Variants in ZNF845 observed in about 807,000 individuals in gnomAD.
The protein encoded by ZNF845 is zinc finger protein 845.
A neutral mutation model predicts 76.1 loss-of-function variants in ZNF845; 59 were observed. That is an observed-to-expected ratio of 0.78 (90% CI 0.63 to 0.96). ZNF845 has a LOEUF of 0.96. Among genes scored for constraint, ZNF845 ranks in the 40% least tolerant of loss-of-function variants. The probability of loss-of-function intolerance (pLI) is 0.00; values close to 1 mark genes in which losing one functional copy is unlikely to be tolerated. For synonymous variants in ZNF845, 361 were observed against 386.9 expected, an observed-to-expected ratio of 0.93 and a Z score of 0.78; for missense variants, 1,045 against 1,172.8, an observed-to-expected ratio of 0.89 and a Z score of 1.59.
In ZNF845 at chr19:53,352,005, T is replaced by A; in HGVS notation, c.1330T>A (p.Cys444Ser). The A allele has an allele frequency of 6.2e-7, 1 of 1,614,046 alleles. No individual in the cohort carries two copies. Among genetic ancestry groups the A allele is most frequent in the South Asian group, 1.1e-5 (1 of 91,066 alleles). Reference sequence around the variant, plus strand: ...AGAGAAACCTTACAAATGTGAAGAATGTGATGAAGCTTTCAGTTTCAAATC... The same window carrying A: ...AGAGAAACCTTACAAATGTGAAGAAAGTGATGAAGCTTTCAGTTTCAAATC... Reference protein sequence around the residue: ...TGEKPYKCEECDEAFSFKSNL... With the variant: ...TGEKPYKCEESDEAFSFKSNL... The change falls in exon 4 of 4, where the codon TGT (cysteine) becomes AGT (serine). Residue 444 changes from cysteine to serine, a missense_variant. Transcript: ENST00000458035.
chr19:53,353,140 A>G lies in ZNF845; in HGVS notation c.2465A>G (p.Lys822Arg). 6.2e-7 allele frequency: 1 copy of G among 1,611,624 alleles called. No homozygotes were observed. The highest frequency in any genetic ancestry group is 8.5e-7 in the Non-Finnish European group (1 of 1,178,268). Reference protein sequence around the residue: ...FRHNSALVIHKAIHSGEKPYK... With the variant: ...FRHNSALVIHRAIHSGEKPYK... ...CACAATTCAGCCCTTGTAATTCATA[A>G]GGCAATTCATAGTGGAGAGAAACCT... Residue 822 changes from lysine (K) to arginine (R), a missense_variant, in exon 4 of 4, where the codon AAG becomes AGG. By Grantham distance (26) the Lys-to-Arg change is conservative. Transcript: ENST00000458035.
rs768047689 is a variant in ZNF845 at position 53,351,038 on chromosome 19, T to C, written c.363T>C (p.Gly121=). 1 of 1,614,120 alleles carries C rather than the reference T, an allele frequency of 6.2e-7. No homozygotes were observed. ...APMTEIKQLT[G]STNRHDQRHA... is the part of the protein sequence containing the mutation. Reference sequence around the variant, plus strand: ...TGACAGAAATCAAACAGTTGACGGGTAGTACAAACCGACATGATCAAAGGC... The same window carrying C: ...TGACAGAAATCAAACAGTTGACGGGCAGTACAAACCGACATGATCAAAGGC... The change falls in exon 4 of 4, where the codon GGT becomes GGC. Residue 121 remains glycine (G), a synonymous_variant. Transcript: ENST00000458035.
At chr19:53,339,099 T>C (rs1272183585) in intron 1 of ZNF845, among the ~76,000 whole-genome samples, 8 of 151,922 alleles carry the variant, frequency 5.3e-5, no homozygotes. Context: ...ACTCCATCTC[T>C]AAATAAATAA....
chr19:53,353,323 G>A lies in ZNF845; in HGVS notation c.2648G>A (p.Gly883Glu). ...NLSRHHRLHT[G>E]EKPYKCNKCG... Reference sequence around the variant, plus strand: ...TCACGTCATCATAGACTTCATACTGGAGAGAAACCTTACAAGTGTAATAAA... The same window carrying A: ...TCACGTCATCATAGACTTCATACTGAAGAGAAACCTTACAAGTGTAATAAA... Residue 883 changes from glycine to glutamate, a missense_variant, in exon 4 of 4, where the codon GGA (glycine) becomes GAA (glutamate). Coordinates refer to ENST00000458035, the MANE Select transcript of ZNF845 (RefSeq NM_138374.3). 6.2e-7 allele frequency: 1 copy of A among 1,613,672 alleles called. No homozygotes were observed. Among genetic ancestry groups the A allele is most frequent in the Non-Finnish European group, 8.5e-7 (1 of 1,179,810 alleles).
At chr19:53,348,312 G>A (rs1459025637) in intron 3 of ZNF845, among the ~76,000 whole-genome samples, 2 of 152,142 alleles carry the variant, frequency 1.3e-5, no homozygotes, top group African/African-American at 2.4e-5. Context: ...GAGGCTTACG[G>A]CACAGATATT....
rs75721696 is a variant in ZNF845 at position 53,347,446 on chromosome 19, T to G, written c.142+1814T>G. Among the ~76,000 whole-genome samples, 29 of 151,374 alleles carry G rather than the reference T, an allele frequency of 1.9e-4. No homozygotes were observed. The East Asian group carries it at 3.9e-3, about 20-fold the overall frequency. ...CACATGCCACCACACCTGGCTGTTT[T>G]TTTTTTTTTTTTTCTGTAGAGATGG... On this transcript the variant is annotated intron_variant, in intron 3 of 3. Coordinates refer to ENST00000458035, the MANE Select transcript of ZNF845 (RefSeq NM_138374.3).
At chr19:53,340,797 G>A (rs959697994) in intron 1 of ZNF845, 7 of 339,876 alleles carry the variant, frequency 2.1e-5, no homozygotes, top group Admixed American at 9.4e-5. Flanking sequence ...TCTGTTTCCC[G>A]TGTCCTCCTC....
chr19:53,341,381 T>C, intron 2 of ZNF845, 59 bp downstream of exon 2: 1 of 1,609,452 alleles, frequency 6.2e-7, no homozygotes, highest in Admixed American at 1.7e-5. Context: ...TCCTGGGCCT[T>C]GGAGTTGGGA....
rs747915505 is a variant in ZNF845 at position 53,353,531 on chromosome 19, T to C, written c.2856T>C (p.Phe952=). The C allele has an allele frequency of 6.2e-7, 1 of 1,612,096 alleles. No individual in the cohort carries two copies. The highest frequency in any genetic ancestry group is 1.3e-5 in the African/African-American group (1 of 74,906). ...AGTGTAATGAATGTGGCAAGGTTTT[T>C]AATCGAAAAGCAAAACTTGCACGTC... ...PYKCNECGKV[F]NRKAKLARHH... Residue 952 remains phenylalanine (F), a synonymous_variant, in exon 4 of 4, where the codon TTT becomes TTC. Transcript: ENST00000458035.
In ZNF845 at chr19:53,353,447, C is replaced by T. The variant is rs758875671; in HGVS notation, c.2772C>T (p.Phe924=). Reference sequence around the variant, plus strand: ...AGTGTAATGAGTGTGGCAAAACCTTCCGTCACAATTCAGTCCTTGTAATTC... The same window carrying T: ...AGTGTAATGAGTGTGGCAAAACCTTTCGTCACAATTCAGTCCTTGTAATTC... ...PYKCNECGKT[F]RHNSVLVIHK... The change falls in exon 4 of 4, where the codon TTC becomes TTT. Residue 924 remains phenylalanine, a synonymous_variant. Transcript: ENST00000458035. 122 of 1,612,914 alleles carry T rather than the reference C, an allele frequency of 7.6e-5. No homozygotes were observed. Among genetic ancestry groups the T allele is most frequent in the Non-Finnish European group, 9.9e-5 (117 of 1,179,744 alleles).
At position 53,345,618 on chromosome 19, in the gene ZNF845, A is replaced by G; in HGVS notation, c.128A>G (p.Asn43Ser). ...GACGTGATGCTGGAGAATTATAGGA[A>G]CCTGGTCTCCCTGGGTGAGGATAAC... ...YRDVMLENYR[N>S]LVSLDISSKC... The change falls in exon 3 of 4, where the codon AAC (asparagine) becomes AGC (serine). Residue 43 changes from asparagine (N) to serine (S), a missense_variant. By Grantham distance (46) the Asn-to-Ser change is conservative. Coordinates refer to ENST00000458035, the MANE Select transcript of ZNF845 (RefSeq NM_138374.3). 6.2e-6 allele frequency: 10 copies of G among 1,613,774 alleles called. No homozygotes were observed. Among genetic ancestry groups the G allele is most frequent in the African/African-American group, 1.3e-5 (1 of 75,012 alleles).
At chr19:53,335,299 C>T (rs1288892307) in intron 1 of ZNF845, among the ~76,000 whole-genome samples, 7 of 152,224 alleles carry the variant, frequency 4.6e-5, no homozygotes, top group Admixed American at 2.0e-4. Context: ...CTGGCTCTGT[C>T]GCCCAGGCTG....
Position 53,351,310 on chromosome 19 carries a change from A to C in ZNF845, c.635A>C (p.Glu212Ala), listed in dbSNP as rs747348279. The change falls in exon 4 of 4, where the codon GAA (glutamate) becomes GCA (alanine). Residue 212 changes from glutamate (E) to alanine (A), a missense_variant. Physicochemically the swap from Glu to Ala is moderately radical, Grantham distance 107. Coordinates refer to ENST00000458035, the MANE Select transcript of ZNF845 (RefSeq NM_138374.3). The stretch of plus-strand genomic sequence containing the variant: ...CAAAAGCAGGAAGTACACATGAGAG[A>C]AAAATCTTTCCAATGTAATGAGAGT... ...LTQKQEVHMR[E>A]KSFQCNESGK... is the part of the protein sequence containing the mutation. The C allele has an allele frequency of 6.2e-7, 1 of 1,614,234 alleles. No homozygotes were observed. Among genetic ancestry groups the C allele is most frequent in the Non-Finnish European group, 8.5e-7 (1 of 1,180,034 alleles).
rs1218376674 is a variant in ZNF845, at chr19:53,353,799, T to G, written c.*211T>G. On this transcript the variant is annotated 3_prime_UTR_variant, in exon 4 of 4. Transcript: ENST00000458035. Reference sequence around the variant, plus strand: ...AAAGCCTTTAGTGGGCAGTCAACACTTATTCACCATCAGGCAATCCATGGT... The same window carrying G: ...AAAGCCTTTAGTGGGCAGTCAACACGTATTCACCATCAGGCAATCCATGGT... The G allele has an allele frequency of 4.0e-6, 6 of 1,504,832 alleles. No individual in the cohort carries two copies. Among genetic ancestry groups the G allele is most frequent in the Middle Eastern group, 1.8e-4 (1 of 5,590 alleles). The allele number at this position is 1,504,832 out of a possible 1,614,324, so 93.2% of individuals were successfully genotyped here. A position where few individuals can be genotyped will look rare whatever the true frequency, so the allele number is the denominator to read the frequency against.
intron 1 of ZNF845, among the ~76,000 whole-genome samples, chr19:53,339,516 C>T (rs2085241416): frequency 6.6e-6 from 1 of 152,198 alleles, no homozygotes; most frequent in Non-Finnish European, 1.5e-5. Context: ...CACTCATTGC[C>T]TGCAATTCTA....
chr19:53,337,286 C>T (rs1318807927), intron 1 of ZNF845: 1 of 410,248 alleles, frequency 2.4e-6, no homozygotes, highest in African/African-American at 2.0e-5. Context: ...CATGCCCTCC[C>T]ACCCCCATCT....
At chr19:53,344,976 T>C (rs1389067638) in intron 2 of ZNF845, among the ~76,000 whole-genome samples, 1 of 152,092 alleles carries the variant, frequency 6.6e-6, no homozygotes, top group Non-Finnish European at 1.5e-5. Flanking sequence ...TTTAGTATTA[T>C]CCACAAACAT....
Position 53,352,510 on chromosome 19 carries a change from G to C in ZNF845, c.1835G>C (p.Cys612Ser). 6.2e-7 allele frequency: 1 copy of C among 1,609,212 alleles called. No individual in the cohort carries two copies. Among genetic ancestry groups the C allele is most frequent in the South Asian group, 1.1e-5 (1 of 90,638 alleles). The change falls in exon 4 of 4, where the codon TGT (cysteine) becomes TCT (serine). Residue 612 changes from cysteine (C) to serine (S), a missense_variant. Coordinates refer to ENST00000458035, the MANE Select transcript of ZNF845 (RefSeq NM_138374.3). ...NEERSYKCNR[C>S]GKFFRHRSYL... is the part of the protein sequence containing the mutation. Reference sequence around the variant, plus strand: ...GAGAGATCGTACAAGTGTAATAGATGTGGCAAATTTTTCAGACATCGTTCA... The same window carrying C: ...GAGAGATCGTACAAGTGTAATAGATCTGGCAAATTTTTCAGACATCGTTCA...
chr19:53,336,514 A>C (rs1217949050), intron 1 of ZNF845, among the ~76,000 whole-genome samples: 1 of 152,120 alleles, frequency 6.6e-6, no homozygotes, highest in Non-Finnish European at 1.5e-5. Flanking sequence ...CATCTCAAAA[A>C]AACAAACACC....
Sources: allele counts gnomAD v4.1 joint callset (sites outside exome capture counted in the v4.1 genomes callset), GRCh38; gene constraint gnomAD v4.1.1; transcripts MANE v1.5; gene names NCBI Gene and HGNC (gene_info 2026-07-23, HGNC 2026-07-21).